The following POR variants were observed in gnomAD, a reference collection of about 807,000 sequenced individuals.
The protein encoded by POR is cytochrome p450 oxidoreductase.
Under a neutral mutation model 84.0 loss-of-function variants are expected in POR, and 56 were observed. That is an observed-to-expected ratio of 0.67 (90% CI 0.54 to 0.83). The LOEUF is 0.83. POR is among the 40% of genes least tolerant of loss of function. The pLI is 0.00. For missense variants in POR, 938 were observed against 944.3 expected (o/e 0.99, Z 0.09); for synonymous variants, 414 against 400.5 (o/e 1.03, Z -0.40).
In POR at chr7:75,973,815, G is replaced by A. The variant is rs544985669; in HGVS notation, c.237+1354G>A. ...TCCCGCATCAGCCTCCGGAGTAGTT[G>A]GGGTTAGACGCCTGCCACCGTGCCT... On this transcript the variant is annotated intron_variant, in intron 3 of 15. Coordinates refer to ENST00000461988, the MANE Select transcript of POR (RefSeq NM_000941.3). 4.7e-5 allele frequency among the ~76,000 whole-genome samples: 7 copies of A among 149,926 alleles called. No homozygotes were observed. In the East Asian group the frequency reaches 9.9e-4, roughly 21 times the overall value.
intron 1 of POR, among the ~76,000 whole-genome samples, chr7:75,951,460 G>T (rs1554552815): frequency 6.6e-6 from 1 of 152,188 alleles, no homozygotes; most frequent in African/African-American, 2.4e-5. Flanking sequence ...TGGAAAAGCA[G>T]CTCAGATTAG....
intron 1 of POR, among the ~76,000 whole-genome samples, chr7:75,947,710 C>A (rs1787242958): frequency 6.6e-6 from 1 of 152,060 alleles, no homozygotes; most frequent in Non-Finnish European, 1.5e-5. Context: ...GTTATTGCGC[C>A]CTGGATTCTG....
chr7:75,946,474 A>T (rs1787180236), intron 1 of POR, among the ~76,000 whole-genome samples: 1 of 152,068 alleles, frequency 6.6e-6, no homozygotes, highest in African/African-American at 2.4e-5. Flanking sequence ...TTGTGGTAGA[A>T]GTGGGGTTTT....
rs1554558906 is a variant in POR, at chr7:75,985,137, C to A, written c.1328C>A (p.Pro443His). ...CAGGACTGCCCGTCCCTGCGGCCCCCCATCGACCACCTGTGTGAGCTGCTG... is the reference window on the plus strand; with the variant it reads ...CAGGACTGCCCGTCCCTGCGGCCCCACATCGACCACCTGTGTGAGCTGCTG... Residue 443 changes from proline (P) to histidine (H), a missense_variant, in exon 12 of 16, where the codon CCC becomes CAC. Pro to His is a moderately conservative substitution (Grantham distance 77). Coordinates refer to ENST00000461988, the MANE Select transcript of POR (RefSeq NM_000941.3). 1 of 1,599,966 alleles carries A rather than the reference C, an allele frequency of 6.3e-7. No individual in the cohort carries two copies. Among genetic ancestry groups the A allele is most frequent in the Admixed American group, 1.7e-5 (1 of 59,992 alleles).
intron 1 of POR, among the ~76,000 whole-genome samples, chr7:75,921,916 A>C (rs575848654): frequency 3.3e-4 from 51 of 152,254 alleles, no homozygotes; most frequent in African/African-American, 1.2e-3. Context: ...CATGTTGGCC[A>C]GGCCAGTCTC....
intron 3 of POR, among the ~76,000 whole-genome samples, chr7:75,976,695 C>T (rs944112006): frequency 4.6e-5 from 7 of 151,366 alleles, no homozygotes; most frequent in Admixed American, 1.3e-4. Context: ...TTCAGTGAGC[C>T]GAGATCGCAC....
At chr7:75,962,751 C>T (rs1206642219) in intron 2 of POR, among the ~76,000 whole-genome samples, 3 of 152,220 alleles carry the variant, frequency 2.0e-5, no homozygotes, top group Non-Finnish European at 4.4e-5. Flanking sequence ...CCTCCTCCAT[C>T]GGGTAATCAG....
chr7:75,953,190 G>A (rs1032987175), intron 1 of POR, among the ~76,000 whole-genome samples: 11 of 152,008 alleles, frequency 7.2e-5, no homozygotes, highest in Admixed American at 6.5e-5. Context: ...GTGGCGGCGC[G>A]CGCCTGCAAT....
rs1294182247 is a variant in POR at position 75,980,374 on chromosome 7, C to G, written c.402C>G (p.Ala134=). The change falls in exon 5 of 16, where the codon GCC becomes GCG. Residue 134 remains alanine, a synonymous_variant. Coordinates refer to ENST00000461988, the MANE Select transcript of POR (RefSeq NM_000941.3). ...GCAGCCTGCCAGAGATCGACAACGCCCTGGTGGTTTTCTGCATGGCCACCT... is the reference window on the plus strand; with the variant it reads ...GCAGCCTGCCAGAGATCGACAACGCGCTGGTGGTTTTCTGCATGGCCACCT... The G allele has an allele frequency of 6.2e-7, 1 of 1,613,096 alleles. No homozygotes were observed. The highest frequency in any genetic ancestry group is 1.3e-5 in the African/African-American group (1 of 74,924).
chr7:75,976,049 T>G (rs1295819237), intron 3 of POR, among the ~76,000 whole-genome samples: 1 of 152,044 alleles, frequency 6.6e-6, no homozygotes, highest in African/African-American at 2.4e-5. Context: ...ATCGGGGTGC[T>G]TTTCCATTGG....
rs575201799 is a variant in POR at position 75,923,678 on chromosome 7, G to A, written c.-5+8499G>A. On this transcript the variant is annotated intron_variant, in intron 1 of 15. Transcript: ENST00000461988. ...TGAGGCGGGCAGATCACCTGAGGTC[G>A]GGAGTTCGAAACCAGCCTGACCAAC... Among the ~76,000 whole-genome samples the A allele has an allele frequency of 1.3e-3, 200 of 152,028 alleles. 2 individuals are homozygous for A. The highest frequency in any genetic ancestry group is 8.7e-3 in the South Asian group (42 of 4,818).
chr7:75,937,267 C>T (rs2116316764), intron 1 of POR, among the ~76,000 whole-genome samples: 1 of 137,122 alleles, frequency 7.3e-6, no homozygotes, highest in African/African-American at 2.8e-5. Flanking sequence ...TCAGCCTGGA[C>T]AACGTGGTGA....
chr7:75,951,941 G>A (rs892409853), intron 1 of POR, among the ~76,000 whole-genome samples: 6 of 152,086 alleles, frequency 3.9e-5, no homozygotes, highest in Admixed American at 1.3e-4. Context: ...CCTCCCGGAC[G>A]GGGCGGCTGG....
rs1462317973 is a variant in POR at position 75,985,885 on chromosome 7, C to T, written c.1669+36C>T. The stretch of plus-strand genomic sequence containing the variant: ...TCCCATGGGGGAGAGGGGGTGACGA[C>T]TGGGAGCCCCGCGCTCACCCCGGCC... On this transcript the variant is annotated intron_variant, in intron 13 of 15. Coordinates refer to ENST00000461988, the MANE Select transcript of POR (RefSeq NM_000941.3). The T allele has an allele frequency of 2.6e-6, 4 of 1,555,682 alleles. No individual in the cohort carries two copies. The African/African-American group carries it at 5.4e-5, about 21-fold the overall frequency.
intron 1 of POR, among the ~76,000 whole-genome samples, chr7:75,921,709 T>G (rs546532330): frequency 1.3e-5 from 2 of 152,246 alleles, no homozygotes; most frequent in Admixed American, 1.3e-4. Context: ...TGCTGGTTGA[T>G]CTTGGAACCC....
At chr7:75,926,030 CTTT>C (rs869058308) in intron 1 of POR, among the ~76,000 whole-genome samples, 7 of 114,832 alleles carry the variant, frequency 6.1e-5, no homozygotes, top group Admixed American at 1.8e-4. Context: ...TTTTCTCTCT[CTTT>C]TTTTTTTTTT....
intron 1 of POR, among the ~76,000 whole-genome samples, chr7:75,940,883 G>A (rs1466793580): frequency 1.3e-5 from 2 of 152,148 alleles, no homozygotes; most frequent in African/African-American, 2.4e-5. Context: ...TGCAGGGGCC[G>A]GGTGTGCTGG....
rs1255969887 is a variant in POR at position 75,982,027 on chromosome 7, A to C, written c.732-197A>C. 6.7e-6 allele frequency: 4 copies of C among 593,930 alleles called. No individual in the cohort carries two copies. The South Asian group carries it at 7.9e-5, about 12-fold the overall frequency. The allele number at this position is 593,930 out of a possible 1,614,324, so 36.8% of individuals were successfully genotyped here. On this transcript the variant is annotated intron_variant, in intron 7 of 15. Transcript: ENST00000461988. ...GGCTTCTGGGCGTCTGGCCCCCGGC[A>C]GCTCCACGCCGCCTCCCTCCTTGCT...
Position 75,983,778 on chromosome 7 carries a change from G to T in POR, c.988G>T (p.Asp330Tyr). Residue 330 changes from aspartate to tyrosine, a missense_variant, in exon 10 of 16, where the codon GAC (aspartate) becomes TAC (tyrosine). By Grantham distance (160) the Asp-to-Tyr change is radical. Coordinates refer to ENST00000461988, the MANE Select transcript of POR (RefSeq NM_000941.3). The stretch of plus-strand genomic sequence containing the variant: ...CCACGTGGCTGTGTACCCAGCCAAC[G>T]ACTCTGCTCTCGTCAACCAGCTGGG... 4 of 1,612,448 alleles carry T rather than the reference G, an allele frequency of 2.5e-6. No individual in the cohort carries two copies. Among genetic ancestry groups the T allele is most frequent in the Non-Finnish European group, 2.5e-6 (3 of 1,179,734 alleles).
Sources: allele counts gnomAD v4.1 joint callset (sites outside exome capture counted in the v4.1 genomes callset), GRCh38; gene constraint gnomAD v4.1.1; transcripts MANE v1.5; gene names NCBI Gene and HGNC (gene_info 2026-07-23, HGNC 2026-07-21).